KCNQ1OT1: variants seen among roughly 807,000 people sequenced by gnomAD.
KCNQ1OT1 encodes the protein KCNQ1 antisense RNA 2 (non-protein coding).
At chr11:2,639,166 C>T (rs1191984164) in exon 1 of KCNQ1OT1, 1 of 152,206 alleles carries the variant, frequency 6.6e-6, no homozygotes, top group African/African-American at 2.4e-5. Flanking sequence ...CGAACTTCCT[C>T]CTTTAGCTCG....
rs549521521 is a variant in KCNQ1OT1 at position 2,672,064 on chromosome 11, T to G, written n.27931A>C. ...TGCACTCAAGCCCAGTATCCTCCCC[T>G]GGTCCCTGGTCTGGACTGAGCAGCT... On this transcript the variant is annotated non_coding_transcript_exon_variant, in exon 1 of 1. Transcript: ENST00000597346. 7.5e-6 allele frequency: 3 copies of G among 398,714 alleles called. No individual in the cohort carries two copies. The South Asian group carries it at 3.8e-4, about 51-fold the overall frequency. The allele number at this position is 398,714 out of a possible 1,614,324, so 24.7% of individuals were successfully genotyped here.
chr11:2,633,109 TAA>T, exon 1 of KCNQ1OT1: 1 of 398,556 alleles, frequency 2.5e-6, no homozygotes, highest in Non-Finnish European at 4.4e-6. Flanking sequence ...ACAGCCATTC[TAA>T]CTGAGGTGAA....
At position 2,617,458 on chromosome 11, in the gene KCNQ1OT1, G is replaced by A. The variant is rs1422170433; in HGVS notation, n.82537C>T. The A allele has an allele frequency of 2.5e-6, 1 of 398,192 alleles. No homozygotes were observed. The highest frequency in any genetic ancestry group is 4.4e-6 in the Non-Finnish European group (1 of 225,912). The allele number at this position is 398,192 out of a possible 1,614,324, so 24.7% of individuals were successfully genotyped here. On this transcript the variant is annotated non_coding_transcript_exon_variant, in exon 1 of 1. Transcript: ENST00000597346. The surrounding 1 kb of genome is among the most constrained non-coding windows in gnomAD (Gnocchi z 4.6). ...TTGTAGACATACACACCACAGTTTA[G>A]TCATCCATCAATGGACACGTAAGTT...
chr11:2,665,014 C>G (rs920154782), exon 1 of KCNQ1OT1: 15 of 398,472 alleles, frequency 3.8e-5, no homozygotes, highest in African/African-American at 3.1e-4. Flanking sequence ...GCCTGTTAGC[C>G]AGAGGTGGGG....
chr11:2,688,707 G>C, exon 1 of KCNQ1OT1: 1 of 399,034 alleles, frequency 2.5e-6, no homozygotes, highest in Non-Finnish European at 4.4e-6. Context: ...AGCTGGGGCT[G>C]GCATACAAAT....
exon 1 of KCNQ1OT1, chr11:2,684,195 ACT>A (rs1326890040): frequency 2.5e-6 from 1 of 398,436 alleles, no homozygotes; most frequent in Non-Finnish European, 4.4e-6. Flanking sequence ...GCTTGGTCAG[ACT>A]CTGCCAGGAG....
Position 2,647,016 on chromosome 11 carries a change from T to TA in KCNQ1OT1, n.52978dup, listed in dbSNP as rs1849676767. ...TAATTGTTCTGGTGAGGACTTTTCT[T>TA]ACTCTGCTGAATAAGAATAGTGAAA... On this transcript the variant is annotated non_coding_transcript_exon_variant, in exon 1 of 1. Coordinates refer to ENST00000597346, the Ensembl canonical transcript of KCNQ1OT1. The surrounding 1 kb of genome is among the most constrained non-coding windows in gnomAD (Gnocchi z 4.0). The TA allele has an allele frequency of 1.3e-5, 5 of 398,620 alleles. No homozygotes were observed. Among genetic ancestry groups the TA allele is most frequent in the Non-Finnish European group, 2.2e-5 (5 of 226,056 alleles). The allele number at this position is 398,620 out of a possible 1,614,324, so 24.7% of individuals were successfully genotyped here. A position where few individuals can be genotyped will look rare whatever the true frequency, so the allele number is the denominator to read the frequency against.
chr11:2,610,716 C>G, exon 1 of KCNQ1OT1: 1 of 228,462 alleles, frequency 4.4e-6, no homozygotes, highest in African/African-American at 4.7e-5. Flanking sequence ...TCTTGGTTGG[C>G]TTTTTTTTTT....
At chr11:2,672,970 C>A in exon 1 of KCNQ1OT1, 1 of 398,732 alleles carries the variant, frequency 2.5e-6, no homozygotes, top group Non-Finnish European at 4.4e-6. Context: ...CAGCTGAGTC[C>A]CCTGCAGGCC....
In KCNQ1OT1 at chr11:2,617,832, C is replaced by G. The variant is rs1849092890; in HGVS notation, n.82163G>C. ...TATGTGTTTGCCATTTTTATAACTT[C>G]TTTGCAAAAATGTCTACTCAGTTCC... On this transcript the variant is annotated non_coding_transcript_exon_variant, in exon 1 of 1. Transcript: ENST00000597346. This position sits in a 1 kb window ranked among gnomAD's most constrained non-coding sequence, Gnocchi z 4.6. 1.0e-5 allele frequency: 4 copies of G among 398,366 alleles called. No individual in the cohort carries two copies. The highest frequency in any genetic ancestry group is 1.8e-5 in the Non-Finnish European group (4 of 225,984). 24.7% of individuals were successfully genotyped at this position (398,366 alleles called of 1,614,324 possible). A position where few individuals can be genotyped will look rare whatever the true frequency, so the allele number is the denominator to read the frequency against.
chr11:2,688,772 C>A, exon 1 of KCNQ1OT1: 1 of 398,830 alleles, frequency 2.5e-6, no homozygotes, highest in Non-Finnish European at 4.4e-6. Flanking sequence ...CCACCTATAC[C>A]ACACCTATAT....
exon 1 of KCNQ1OT1, chr11:2,672,530 C>T: frequency 2.5e-6 from 1 of 398,640 alleles, no homozygotes; most frequent in Non-Finnish European, 4.4e-6. Flanking sequence ...TCTCCATTAC[C>T]AGCCTGTCTT....
chr11:2,682,470 TTTGAC>T lies in KCNQ1OT1; in HGVS notation n.17520_17524del. The T allele has an allele frequency of 3.0e-6, 1 of 335,696 alleles. No individual in the cohort carries two copies. Among genetic ancestry groups the T allele is most frequent in the East Asian group, 4.9e-5 (1 of 20,496 alleles). 20.8% of individuals were successfully genotyped at this position (335,696 alleles called of 1,614,324 possible). ...GCCTGTCACGGACCCTCAGTGAATG[TTTGAC>T]GAGTGAGTGAGTGAGTGAGTGAGTG... On this transcript the variant is annotated non_coding_transcript_exon_variant, in exon 1 of 1. Transcript: ENST00000597346. The surrounding 1 kb of genome is among the most constrained non-coding windows in gnomAD (Gnocchi z 5.8).
At position 2,682,876 on chromosome 11, in the gene KCNQ1OT1, G is replaced by A. The variant is rs1850422422; in HGVS notation, n.17119C>T. 2.5e-6 allele frequency: 1 copy of A among 398,618 alleles called. No individual in the cohort carries two copies. The highest frequency in any genetic ancestry group is 3.6e-5 in the East Asian group (1 of 28,066). 24.7% of individuals were successfully genotyped at this position (398,618 alleles called of 1,614,324 possible). A position where few individuals can be genotyped will look rare whatever the true frequency, so the allele number is the denominator to read the frequency against. On this transcript the variant is annotated non_coding_transcript_exon_variant, in exon 1 of 1. Coordinates refer to ENST00000597346, the Ensembl canonical transcript of KCNQ1OT1. This position sits in a 1 kb window ranked among gnomAD's most constrained non-coding sequence, Gnocchi z 5.8. Reference sequence around the variant, plus strand: ...TTGTAGACCAGGAAACTGAGGCTTGGGGATAGCAGATGTTCCCAGACAGAA... The same window carrying A: ...TTGTAGACCAGGAAACTGAGGCTTGAGGATAGCAGATGTTCCCAGACAGAA...
chr11:2,674,176 G>A lies in KCNQ1OT1; in HGVS notation n.25819C>T, dbSNP rs2133871922. On this transcript the variant is annotated non_coding_transcript_exon_variant, in exon 1 of 1. Transcript: ENST00000597346. This position sits in a 1 kb window ranked among gnomAD's most constrained non-coding sequence, Gnocchi z 5.9. Reference sequence around the variant, plus strand: ...AGGGAAGGAATGTGACCAAGGCTGGGTGTGGCTGGGGAGAGCACAGCCAGT... The same window carrying A: ...AGGGAAGGAATGTGACCAAGGCTGGATGTGGCTGGGGAGAGCACAGCCAGT... 1 of 398,740 alleles carries A rather than the reference G, an allele frequency of 2.5e-6. No homozygotes were observed. The highest frequency in any genetic ancestry group is 1.3e-4 in the South Asian group (1 of 7,862). The allele number at this position is 398,740 out of a possible 1,614,324, so 24.7% of individuals were successfully genotyped here. A position where few individuals can be genotyped will look rare whatever the true frequency, so the allele number is the denominator to read the frequency against.
exon 1 of KCNQ1OT1, chr11:2,699,738 C>T (rs443572): frequency 2.6e-5 from 10 of 383,444 alleles, no homozygotes; most frequent in Non-Finnish European, 4.6e-5. Flanking sequence ...AGAACTGCGC[C>T]GAGGAGCCCC....
At position 2,691,711 on chromosome 11, in the gene KCNQ1OT1, GAGGCAGCCCAC is replaced by G. The variant is rs1336418860; in HGVS notation, n.8273_8283del. ...GGTCTCTCCCCATCTGTCCAGGGGA[GAGGCAGCCCAC>G]AGGGAGCCACACAGGCAGGGGACAT... On this transcript the variant is annotated non_coding_transcript_exon_variant, in exon 1 of 1. Transcript: ENST00000597346. The surrounding 1 kb of genome is among the most constrained non-coding windows in gnomAD (Gnocchi z 6.4). The G allele has an allele frequency of 2.5e-6, 1 of 398,466 alleles. No homozygotes were observed. The highest frequency in any genetic ancestry group is 4.4e-6 in the Non-Finnish European group (1 of 226,112). 24.7% of individuals were successfully genotyped at this position (398,466 alleles called of 1,614,324 possible).
At chr11:2,689,628 C>T in exon 1 of KCNQ1OT1, 1 of 398,692 alleles carries the variant, frequency 2.5e-6, no homozygotes, top group South Asian at 1.3e-4. Flanking sequence ...AGGAACAAAA[C>T]AAGCCAGCAG....
In KCNQ1OT1 at chr11:2,624,755, G is replaced by T. The variant is rs542014022; in HGVS notation, n.75240C>A. ...ATAATTCCCCAACCCCCCCACCACC[G>T]CCATCTCTTGGAAACCACCTTGTAC... On this transcript the variant is annotated non_coding_transcript_exon_variant, in exon 1 of 1. Coordinates refer to ENST00000597346, the Ensembl canonical transcript of KCNQ1OT1. The surrounding 1 kb of genome is among the most constrained non-coding windows in gnomAD (Gnocchi z 4.9). 2.5e-6 allele frequency: 1 copy of T among 397,918 alleles called. No individual in the cohort carries two copies. Among genetic ancestry groups the T allele is most frequent in the Non-Finnish European group, 4.4e-6 (1 of 225,962 alleles). The allele number at this position is 397,918 out of a possible 1,614,324, so 24.6% of individuals were successfully genotyped here.
Sources: allele counts gnomAD v4.1 joint callset, GRCh38; gene constraint gnomAD v4.1.1; non-coding constraint Gnocchi (gnomAD v3.1); transcripts MANE v1.5; gene names NCBI Gene and HGNC (gene_info 2026-07-23, HGNC 2026-07-21).